TRIM9: variants seen among roughly 807,000 people sequenced by gnomAD.
TRIM9 encodes tripartite motif containing 9.
Under a neutral mutation model 78.3 loss-of-function variants are expected in TRIM9, and 26 were observed. That is an observed-to-expected ratio of 0.33 (90% CI 0.24 to 0.46). The LOEUF (loss-of-function observed/expected upper bound fraction) is 0.46, where lower values mean the gene tolerates loss of function less well. TRIM9 is among the 20% of genes least tolerant of loss of function. TRIM9 has a pLI of 1.00. For missense variants in TRIM9, 787 were observed against 1,036.4 expected (o/e 0.76, Z 3.30); for synonymous variants, 398 against 416.5 (o/e 0.96, Z 0.54).
rs760577326 is a variant in TRIM9, at chr14:51,094,752, A to T, written c.188T>A (p.Leu63Gln). ...AGSGVSDYDY[L>Q]DLDKMSLYSE... ...GTATAGGCTCATCTTGTCCAGGTCC[A>T]GATAGTCATAGTCGGAGACCCCGGA... is the stretch of plus-strand genomic sequence containing the variant. The change falls in exon 1 of 13, where the codon CTG becomes CAG. Residue 63 changes from leucine to glutamine, a missense_variant. Coordinates refer to ENST00000684578, the MANE Select transcript of TRIM9 (RefSeq NM_001387360.1). 6.5e-7 allele frequency: 1 copy of T among 1,534,006 alleles called. No homozygotes were observed. The highest frequency in any genetic ancestry group is 8.8e-7 in the Non-Finnish European group (1 of 1,141,674).
chr14:51,021,383 G>C (rs1257196575), intron 3 of TRIM9, among the ~76,000 whole-genome samples: 1 of 152,204 alleles, frequency 6.6e-6, no homozygotes, highest in Non-Finnish European at 1.5e-5. Flanking sequence ...GAGGTACTCT[G>C]TGACCGTTTT....
chr14:51,089,901 A>C (rs1475665092), intron 1 of TRIM9: 3 of 152,232 alleles, frequency 2.0e-5, no homozygotes, highest in Non-Finnish European at 4.4e-5. Context: ...GTTGTGTTGA[A>C]CTGAAATTAG....
chr14:51,078,957 T>C (rs954884610), intron 1 of TRIM9, among the ~76,000 whole-genome samples: 4 of 152,220 alleles, frequency 2.6e-5, no homozygotes, highest in Non-Finnish European at 4.4e-5. Flanking sequence ...TGCTTTACTA[T>C]AGTAACCATT....
At chr14:50,993,773 G>A (rs1212269912) in intron 7 of TRIM9, among the ~76,000 whole-genome samples, 2 of 152,130 alleles carry the variant, frequency 1.3e-5, no homozygotes, top group Non-Finnish European at 2.9e-5. Context: ...ATTTGGTTGA[G>A]GGCAAATAGC....
At chr14:51,077,586 G>A (rs1274847177) in intron 1 of TRIM9, among the ~76,000 whole-genome samples, 2 of 151,914 alleles carry the variant, frequency 1.3e-5, no homozygotes, top group African/African-American at 4.8e-5. Flanking sequence ...TAGAGATGGG[G>A]TTTCGCCATG....
At chr14:50,996,916 C>A (rs2054281414) in intron 7 of TRIM9, 1 of 985,412 alleles carries the variant, frequency 1.0e-6, no homozygotes, top group African/African-American at 1.7e-5. Flanking sequence ...TTCATCCTTG[C>A]TGTAGGATTC....
intron 1 of TRIM9, among the ~76,000 whole-genome samples, chr14:51,048,315 C>G (rs2060112754): frequency 6.6e-6 from 1 of 152,214 alleles, no homozygotes; most frequent in South Asian, 2.1e-4. Flanking sequence ...CCTGACAGTT[C>G]TCAGCTTACA....
At chr14:51,085,161 G>C (rs1341923375) in intron 1 of TRIM9, among the ~76,000 whole-genome samples, 2 of 152,138 alleles carry the variant, frequency 1.3e-5, no homozygotes, top group Admixed American at 6.5e-5. Flanking sequence ...TAAAGTGCAG[G>C]CTGCAAGCAA....
rs1160057754 is a variant in TRIM9, at chr14:51,066,087, A to AGGAGGGAGGGAG, written c.822+28019_822+28030dup. Among the ~76,000 whole-genome samples, 127 of 72,432 alleles carry AGGAGGGAGGGAG rather than the reference A, an allele frequency of 1.8e-3. 1 individual carries two copies. Among genetic ancestry groups the AGGAGGGAGGGAG allele is most frequent in the African/African-American group, 6.9e-3 (124 of 18,064 alleles). 47.5% of individuals were successfully genotyped at this position (72,432 alleles called of 152,430 possible). A position where few individuals can be genotyped will look rare whatever the true frequency, so the allele number is the denominator to read the frequency against. ...AAGGAAGGAAGGAAGGAAGGAAGGA[A>AGGAGGGAGGGAG]GGAGGGAGGGAGGGACGGAGGGAGG... is the stretch of plus-strand genomic sequence containing the variant. On this transcript the variant is annotated intron_variant, in intron 1 of 12. Coordinates refer to ENST00000684578, the MANE Select transcript of TRIM9 (RefSeq NM_001387360.1).
intron 3 of TRIM9, among the ~76,000 whole-genome samples, chr14:51,013,538 G>A (rs967935710): frequency 3.3e-5 from 5 of 152,012 alleles, no homozygotes; most frequent in African/African-American, 1.2e-4. Flanking sequence ...ATTTGTTACT[G>A]CTTTTTAACT....
intron 3 of TRIM9, among the ~76,000 whole-genome samples, chr14:51,013,218 C>T (rs2056778751): frequency 1.5e-5 from 2 of 130,404 alleles, no homozygotes; most frequent in South Asian, 6.2e-4. Context: ...AGGTAAGTGT[C>T]TAACTTCATT....
intron 10 of TRIM9, chr14:50,982,355 C>T (rs967464178): frequency 3.0e-5 from 16 of 537,272 alleles, no homozygotes; most frequent in Middle Eastern, 5.0e-4. Context: ...CCAGGTGATC[C>T]GGGAGTGAAG....
chr14:51,094,596 G>A lies in TRIM9; in HGVS notation c.344C>T (p.Pro115Leu). Reference sequence around the variant, plus strand: ...GTTGCGGGGCACCGGGGCCAGGGCCGGTGACAAGTGGGTGGCCGGTGGCGG... The same window carrying A: ...GTTGCGGGGCACCGGGGCCAGGGCCAGTGACAAGTGGGTGGCCGGTGGCGG... ...AMPPPATHLS[P>L]ALAPVPRNSC... Residue 115 changes from proline (P) to leucine (L), a missense_variant, in exon 1 of 13, where the codon CCG (proline) becomes CTG (leucine). Transcript: ENST00000684578. 1.2e-6 allele frequency: 2 copies of A among 1,610,400 alleles called. No individual in the cohort carries two copies. The highest frequency in any genetic ancestry group is 1.3e-5 in the African/African-American group (1 of 75,022).
chr14:50,983,557 A>G (rs569530729), intron 8 of TRIM9, 136 bp from the exon 9 acceptor site: 1 of 508,756 alleles, frequency 2.0e-6, no homozygotes, highest in South Asian at 6.3e-5. Context: ...CCCTTTTTAT[A>G]TTATTTAGTT....
At chr14:51,002,936 G>T (rs1317747056) in intron 5 of TRIM9, among the ~76,000 whole-genome samples, 1 of 152,194 alleles carries the variant, frequency 6.6e-6, no homozygotes, top group Non-Finnish European at 1.5e-5. Context: ...GGGTTTGGAT[G>T]AAATCTTATC....
intron 1 of TRIM9, among the ~76,000 whole-genome samples, chr14:51,055,060 G>A (rs968761105): frequency 1.3e-5 from 2 of 151,800 alleles, no homozygotes; most frequent in Non-Finnish European, 2.9e-5. Context: ...TTGACCTCGT[G>A]ATCCGTCCGC....
intron 1 of TRIM9, among the ~76,000 whole-genome samples, chr14:51,038,954 C>T (rs1019306150): frequency 1.3e-5 from 2 of 152,160 alleles, no homozygotes; most frequent in African/African-American, 4.8e-5. Context: ...TAATGTCTTC[C>T]CCTGAAATAC....
intron 5 of TRIM9, among the ~76,000 whole-genome samples, chr14:51,007,735 T>C (rs1416167199): frequency 6.6e-6 from 1 of 151,802 alleles, no homozygotes; most frequent in Non-Finnish European, 1.5e-5. Context: ...AGCATACTTA[T>C]TTCCAATCTA....
chr14:51,024,175 C>A (rs575831997), intron 2 of TRIM9, among the ~76,000 whole-genome samples: 2 of 152,286 alleles, frequency 1.3e-5, no homozygotes, highest in Non-Finnish European at 2.9e-5. Context: ...TCCTTGTAAG[C>A]TCTGTCACTG....
Sources: gnomAD v4.1 joint callset for allele counts (sites outside exome capture counted in the v4.1 genomes callset) on GRCh38, gnomAD v4.1.1 for gene constraint, MANE v1.5 for transcripts, NCBI Gene and HGNC (gene_info 2026-07-23, HGNC 2026-07-21) for gene names.